Variants in DNAL4 observed in about 807,000 individuals in gnomAD.
DNAL4 encodes the protein dynein axonemal light chain 4, also known as dynein light chain, outer arm 4.
Under a neutral mutation model 12.6 loss-of-function variants are expected in DNAL4, and 10 were observed. That is an observed-to-expected ratio of 0.79 (90% CI 0.49 to 1.34). DNAL4 has a LOEUF of 1.34. Ranked by LOEUF, DNAL4 falls within the 40% of genes most tolerant of loss-of-function variation. The probability of loss-of-function intolerance (pLI) is 0.00; values close to 1 mark genes in which losing one functional copy is unlikely to be tolerated. For synonymous variants in DNAL4, 46 were observed against 53.1 expected (o/e 0.87, Z 0.58); for missense variants, 128 against 138.1 (o/e 0.93, Z 0.37).
intron 2 of DNAL4, among the ~76,000 whole-genome samples, chr22:38,781,840 G>A (rs763618985): frequency 1.3e-5 from 2 of 152,072 alleles, no homozygotes; most frequent in Non-Finnish European, 2.9e-5. Context: ...ACCGCATCTC[G>A]CACTCTACTC....
At chr22:38,793,297 G>T (rs1464038182) in intron 1 of DNAL4, among the ~76,000 whole-genome samples, 1 of 152,198 alleles carries the variant, frequency 6.6e-6, no homozygotes, top group Admixed American at 6.5e-5. Flanking sequence ...AAAATGTGGT[G>T]AAGAGACAAA....
At chr22:38,792,308 GT>G (rs1244542655) in intron 1 of DNAL4, among the ~76,000 whole-genome samples, 2 of 141,488 alleles carry the variant, frequency 1.4e-5, no homozygotes, top group East Asian at 4.1e-4. Context: ...TTGAGACAAA[GT>G]TTTACTCTTG....
At chr22:38,780,292 G>C (rs1603238957) in intron 3 of DNAL4, among the ~76,000 whole-genome samples, 1 of 152,302 alleles carries the variant, frequency 6.6e-6, no homozygotes, top group East Asian at 1.9e-4. Flanking sequence ...CCAGTGAGGA[G>C]GCACCATCGC....
intron 2 of DNAL4, among the ~76,000 whole-genome samples, chr22:38,781,813 G>A (rs1448057066): frequency 2.0e-5 from 3 of 152,086 alleles, no homozygotes; most frequent in East Asian, 3.9e-4. Flanking sequence ...CTGCACTCAC[G>A]GAACACCCTA....
At chr22:38,781,138 G>T (rs1253174995) in intron 2 of DNAL4, 129 bp from the exon 3 acceptor site, 5 of 959,314 alleles carry the variant, frequency 5.2e-6, no homozygotes, top group Non-Finnish European at 7.9e-6. Flanking sequence ...CCCTGGGCAG[G>T]TGACCCATCT....
In DNAL4 at chr22:38,780,938, G is replaced by A. The variant is rs1451955164; in HGVS notation, c.141C>T (p.Ser47=). The change falls in exon 3 of 4, where the codon TCC becomes TCT. Residue 47 remains serine (S), a synonymous_variant. Coordinates refer to ENST00000216068, the MANE Select transcript of DNAL4 (RefSeq NM_005740.3). ...CTGCTGGCAATACCTCGTTGTTGTT[G>A]GAGAATTTCTCACAGGCTGTGACAC... The part of the protein sequence containing the change: ...ELCVTACEKF[S]NNNESAAKMI... 6.2e-7 allele frequency: 1 copy of A among 1,614,080 alleles called. No individual in the cohort carries two copies. Among genetic ancestry groups the A allele is most frequent in the African/African-American group, 1.3e-5 (1 of 74,944 alleles).
rs1603238792 is a variant in DNAL4 at position 38,779,417 on chromosome 22, GC to G, written c.*31del. 7.8e-6 allele frequency: 12 copies of G among 1,547,924 alleles called. No individual in the cohort carries two copies. Among genetic ancestry groups the G allele is most frequent in the Non-Finnish European group, 1.0e-5 (12 of 1,144,422 alleles). Reference sequence around the variant, plus strand: ...CACCCCAGATGAGTGGCAGGAAAAGGCCCTGCAGGGGACGGGGCAGGGGACA... The same window carrying G: ...CACCCCAGATGAGTGGCAGGAAAAGGCCTGCAGGGGACGGGGCAGGGGACA... On this transcript the variant is annotated 3_prime_UTR_variant, in exon 4 of 4. Coordinates refer to ENST00000216068, the MANE Select transcript of DNAL4 (RefSeq NM_005740.3). The surrounding 1 kb of genome is among the most constrained non-coding windows in gnomAD (Gnocchi z 4.3).
chr22:38,792,535 G>A (rs1214588199), intron 1 of DNAL4, among the ~76,000 whole-genome samples: 3 of 152,152 alleles, frequency 2.0e-5, no homozygotes, highest in Non-Finnish European at 4.4e-5. Flanking sequence ...TGCCTGTGTC[G>A]GCCTCCCGAA....
At chr22:38,784,137 T>G (rs1288752839) in intron 1 of DNAL4, among the ~76,000 whole-genome samples, 2 of 152,168 alleles carry the variant, frequency 1.3e-5, no homozygotes, top group Non-Finnish European at 2.9e-5. Context: ...AACCCAAAGG[T>G]GCCGAGCACG....
rs1471880666 is a variant in DNAL4, at chr22:38,779,800, C to T, written c.154-187G>A. Among the ~76,000 whole-genome samples, 2 of 152,176 alleles carry T rather than the reference C, an allele frequency of 1.3e-5. No homozygotes were observed. The highest frequency in any genetic ancestry group is 2.9e-5 in the Non-Finnish European group (2 of 68,042). On this transcript the variant is annotated intron_variant, in intron 3 of 3. Transcript: ENST00000216068. The surrounding 1 kb of genome is among the most constrained non-coding windows in gnomAD (Gnocchi z 4.3). The stretch of plus-strand genomic sequence containing the variant: ...GCCACCTCCTGCCAGGTCTATTACA[C>T]AGGCACAGAAAACTAGACATTACTC...
intron 1 of DNAL4, among the ~76,000 whole-genome samples, chr22:38,793,594 CACTCA>C (rs1019229684): frequency 3.9e-5 from 6 of 152,182 alleles, no homozygotes; most frequent in African/African-American, 1.2e-4. Context: ...CCTTAGAGAT[CACTCA>C]ACTCAACTTC....
Position 38,779,498 on chromosome 22 carries a change from T to A in DNAL4, c.269A>T (p.Tyr90Phe). 10 of 1,581,292 alleles carry A rather than the reference T, an allele frequency of 6.3e-6. No homozygotes were observed. Among genetic ancestry groups the A allele is most frequent in the Non-Finnish European group, 7.7e-6 (9 of 1,162,912 alleles). ...AGCCAGGGTGCCCCCGAAGTACAGG[T>A]AGAGGAGGTTCTTCACCTCGTGGGT... ...EITHEVKNLLYLYFGGTLAVC... is the reference protein window; with the variant it reads ...EITHEVKNLLFLYFGGTLAVC... The change falls in exon 4 of 4, where the codon TAC becomes TTC. Residue 90 changes from tyrosine to phenylalanine, a missense_variant. By Grantham distance (22) the Tyr-to-Phe change is conservative. Coordinates refer to ENST00000216068, the MANE Select transcript of DNAL4 (RefSeq NM_005740.3). This position sits in a 1 kb window ranked among gnomAD's most constrained non-coding sequence, Gnocchi z 4.3.
In DNAL4 at chr22:38,782,735, C is replaced by G; in HGVS notation, c.-4G>C. ...TCTTCCCTTCTGTTTCTCCCATGAT[C>G]CTTCCACTGTGACCACTGGAGGAGA... On this transcript the variant is annotated 5_prime_UTR_variant, in exon 2 of 4. Transcript: ENST00000216068. The surrounding 1 kb of genome is among the most constrained non-coding windows in gnomAD (Gnocchi z 5.1). 6.2e-7 allele frequency: 1 copy of G among 1,609,644 alleles called. No homozygotes were observed. The highest frequency in any genetic ancestry group is 8.5e-7 in the Non-Finnish European group (1 of 1,177,936).
rs984253793 is a variant in DNAL4, at chr22:38,778,562, G to T, written c.*887C>A. Reference sequence around the variant, plus strand: ...CCAAGACATTTATATAAATAAGACCGCTGTGTAAAATACGATTCACCCTTC... The same window carrying T: ...CCAAGACATTTATATAAATAAGACCTCTGTGTAAAATACGATTCACCCTTC... On this transcript the variant is annotated 3_prime_UTR_variant, in exon 4 of 4. Coordinates refer to ENST00000216068, the MANE Select transcript of DNAL4 (RefSeq NM_005740.3). 1.3e-5 allele frequency: 2 copies of T among 152,696 alleles called. No homozygotes were observed. Among genetic ancestry groups the T allele is most frequent in the African/African-American group, 4.8e-5 (2 of 41,474 alleles). The allele number at this position is 152,696 out of a possible 1,614,324, so 9.5% of individuals were successfully genotyped here.
At chr22:38,788,735 C>T (rs2093046173) in intron 1 of DNAL4, among the ~76,000 whole-genome samples, 1 of 152,218 alleles carries the variant, frequency 6.6e-6, no homozygotes, top group African/African-American at 2.4e-5. Context: ...CCCGCTCTCT[C>T]CCACTCAAGA....
rs188050121 is a variant in DNAL4 at position 38,789,539 on chromosome 22, G to C, written c.-140+4529C>G. ...AATTTGCCCACCTCAGCCTCCCAAA[G>C]TGCTGGGATTATAAGCGTGAGTCAC... is the stretch of plus-strand genomic sequence containing the variant. On this transcript the variant is annotated intron_variant, in intron 1 of 3. Transcript: ENST00000216068. Among the ~76,000 whole-genome samples, 250 of 152,280 alleles carry C rather than the reference G, an allele frequency of 1.6e-3. 1 individual carries two copies. The highest frequency in any genetic ancestry group is 3.2e-3 in the Non-Finnish European group (218 of 68,012).
chr22:38,791,928 C>T (rs1377837903), intron 1 of DNAL4, among the ~76,000 whole-genome samples: 4 of 151,162 alleles, frequency 2.6e-5, no homozygotes, highest in African/African-American at 9.7e-5. Context: ...TGGTCTCCAT[C>T]GCCTGACCTC....
chr22:38,792,128 C>G (rs1340439167), intron 1 of DNAL4, among the ~76,000 whole-genome samples: 2 of 151,992 alleles, frequency 1.3e-5, no homozygotes, highest in Non-Finnish European at 2.9e-5. Context: ...TAACTTTTTA[C>G]TTTGTAAAAG....
At chr22:38,784,345 G>A (rs374921502) in intron 1 of DNAL4, among the ~76,000 whole-genome samples, 1 of 152,072 alleles carries the variant, frequency 6.6e-6, no homozygotes, top group African/African-American at 2.4e-5. Context: ...ATCCAGGCCC[G>A]GCTGTCGGCA....
Sources: gnomAD v4.1 joint callset for allele counts (sites outside exome capture counted in the v4.1 genomes callset) on GRCh38, gnomAD v4.1.1 for gene constraint, Gnocchi (gnomAD v3.1) non-coding constraint, MANE v1.5 for transcripts, NCBI Gene and HGNC (gene_info 2026-07-23, HGNC 2026-07-21) for gene names.